The following PCDHA4 variants were observed in gnomAD, a reference collection of about 807,000 sequenced individuals.
The protein encoded by PCDHA4 is protocadherin alpha-4.
Under a neutral mutation model 61.4 loss-of-function variants are expected in PCDHA4, and 49 were observed. That is an observed-to-expected ratio of 0.80 (90% confidence interval 0.63 to 1.01). PCDHA4 has a LOEUF of 1.01. Among genes scored for constraint, PCDHA4 ranks in the 50% least tolerant of loss-of-function variants. PCDHA4 has a pLI of 0.00. For missense variants in PCDHA4, 1,254 were observed against 1,235.8 expected (o/e 1.01, Z -0.22); for synonymous variants, 590 against 550.3 (o/e 1.07, Z -1.01).
chr5:140,902,637 C>T (rs1554190530), intron 1 of PCDHA4, among the ~76,000 whole-genome samples: 1 of 151,910 alleles, frequency 6.6e-6, no homozygotes, highest in Non-Finnish European at 1.5e-5. Context: ...GTGGTGATTT[C>T]TGAGATTTTG....
chr5:140,829,517 A>G, intron 1 of PCDHA4: 1 of 1,613,440 alleles, frequency 6.2e-7, no homozygotes. Context: ...CCACATCTTC[A>G]CGGTGTCTGC....
chr5:141,003,623 G>C (rs572368614), intron 3 of PCDHA4, among the ~76,000 whole-genome samples: 1 of 152,240 alleles, frequency 6.6e-6, no homozygotes, highest in East Asian at 1.9e-4. Flanking sequence ...CCAGAGGGCA[G>C]TTTTTAAAGT....
intron 1 of PCDHA4, among the ~76,000 whole-genome samples, chr5:140,964,516 C>G (rs1410737676): frequency 6.6e-6 from 1 of 152,006 alleles, no homozygotes; most frequent in African/African-American, 2.4e-5. Flanking sequence ...ACCCAGTGGC[C>G]AGGTCTCTGA....
chr5:140,869,373 C>A (rs782224697), intron 1 of PCDHA4: 1 of 1,614,102 alleles, frequency 6.2e-7, no homozygotes, highest in Non-Finnish European at 8.5e-7. Context: ...ATTCTCGGAT[C>A]GACCGCGAGG....
chr5:140,863,231 C>G (rs189351986), intron 1 of PCDHA4: 1 of 1,227,526 alleles, frequency 8.1e-7, no homozygotes, highest in Non-Finnish European at 1.2e-6. Flanking sequence ...AAGGTCCCAT[C>G]GCGGGCTTTG....
Position 141,010,957 on chromosome 5 carries a change from C to CT in PCDHA4, c.*1021dup, listed in dbSNP as rs1342734442. The CT allele has an allele frequency of 6.5e-5, 10 of 153,858 alleles. No homozygotes were observed. Among genetic ancestry groups the CT allele is most frequent in the African/African-American group, 2.4e-4 (10 of 41,554 alleles). The allele number at this position is 153,858 out of a possible 1,614,324, so 9.5% of individuals were successfully genotyped here. A position where few individuals can be genotyped will look rare whatever the true frequency, so the allele number is the denominator to read the frequency against. On this transcript the variant is annotated 3_prime_UTR_variant, in exon 4 of 4. Coordinates refer to ENST00000530339, the MANE Select transcript of PCDHA4 (RefSeq NM_018907.4). ...ACAGCCATTTAAATGATCATTGCTG[C>CT]TACAGAAGTGCTTTAAGAGAATTGC...
rs566725560 is a variant in PCDHA4, at chr5:140,929,099, G to T, written c.2386-49850G>T. The T allele has an allele frequency of 9.3e-6, 15 of 1,614,170 alleles. No homozygotes were observed. The African/African-American group carries it at 1.9e-4, about 20-fold the overall frequency. ...GGAAGTAAGATGGTTTCAAATCCTT[G>T]CATGACATCAGCCACCATAGATGTC... On this transcript the variant is annotated intron_variant, in intron 1 of 3. Transcript: ENST00000530339.
chr5:140,820,619 A>G (rs1581765490), intron 1 of PCDHA4, among the ~76,000 whole-genome samples: 2 of 152,076 alleles, frequency 1.3e-5, no homozygotes, highest in African/African-American at 4.8e-5. Flanking sequence ...TTCAAATCAT[A>G]CCATCCAGTA....
At chr5:140,810,984 G>T (rs1764771297) in intron 1 of PCDHA4, 1 of 151,832 alleles carries the variant, frequency 6.6e-6, no homozygotes, top group South Asian at 2.1e-4. Context: ...GTGAGGTAGG[G>T]GTCAAGATTT....
intron 1 of PCDHA4, chr5:140,864,624 A>C (rs2048544669): frequency 6.6e-6 from 1 of 152,110 alleles, no homozygotes; most frequent in African/African-American, 2.4e-5. Flanking sequence ...TTTTTTAAAA[A>C]GAAAACAAAA....
intron 1 of PCDHA4, chr5:140,871,628 T>C: frequency 7.1e-7 from 1 of 1,401,496 alleles, no homozygotes; most frequent in South Asian, 1.5e-5. Flanking sequence ...GATAACAATG[T>C]CTGTTCATAA....
At chr5:140,984,132 G>A (rs1395953013) in intron 3 of PCDHA4, among the ~76,000 whole-genome samples, 1 of 152,240 alleles carries the variant, frequency 6.6e-6, no homozygotes, top group African/African-American at 2.4e-5. Context: ...GTTGCAGGAT[G>A]TGGAGGCATC....
intron 1 of PCDHA4, chr5:140,834,892 A>T (rs2150228741): frequency 6.2e-7 from 1 of 1,604,044 alleles, no homozygotes; most frequent in East Asian, 2.2e-5. Context: ...CTGCTCACTT[A>T]CAGACTGAGC....
At chr5:140,872,402 G>A (rs1272057866) in intron 1 of PCDHA4, among the ~76,000 whole-genome samples, 3 of 152,128 alleles carry the variant, frequency 2.0e-5, no homozygotes, top group African/African-American at 7.2e-5. Flanking sequence ...TGAGGCAGGA[G>A]AATTGCTTGA....
chr5:140,887,317 C>T lies in PCDHA4; in HGVS notation c.2385+77745C>T, dbSNP rs10066665. ...TTCATCTTGTTAGCCAGGATAGTCT[C>T]GAACTCCTGACCTCGTGATCCACCT... On this transcript the variant is annotated intron_variant, in intron 1 of 3. Transcript: ENST00000530339. Among the ~76,000 whole-genome samples the T allele has an allele frequency of 7.3e-3, 1,116 of 152,162 alleles. 15 individuals carry two copies. The highest frequency in any genetic ancestry group is 0.025 in the African/African-American group (1,043 of 41,520).
chr5:140,902,724 C>T (rs1463381369), intron 1 of PCDHA4, among the ~76,000 whole-genome samples: 6 of 148,640 alleles, frequency 4.0e-5, no homozygotes, highest in Admixed American at 3.3e-4. Context: ...TCCCACCCTT[C>T]CCTCCAAGTC....
At chr5:141,007,422 G>A (rs190866782) in intron 3 of PCDHA4, among the ~76,000 whole-genome samples, 22 of 143,640 alleles carry the variant, frequency 1.5e-4, no homozygotes, top group African/African-American at 4.9e-4. Context: ...AAAAAAATTA[G>A]CCAGGCATGG....
chr5:140,828,263 G>C, intron 1 of PCDHA4: 1 of 1,614,056 alleles, frequency 6.2e-7, no homozygotes, highest in Non-Finnish European at 8.5e-7. Context: ...GGAGCTGGCG[G>C]AGCTGGTGCC....
At position 140,851,857 on chromosome 5, in the gene PCDHA4, C is replaced by T. The variant is rs532607539; in HGVS notation, c.2385+42285C>T. 3 of 972,984 alleles carry T rather than the reference C, an allele frequency of 3.1e-6. No individual in the cohort carries two copies. The African/African-American group carries it at 5.3e-5, about 17-fold the overall frequency. The allele number at this position is 972,984 out of a possible 1,614,324, so 60.3% of individuals were successfully genotyped here. ...AAAATATCTTTTTCTCCTCTCAGCT[C>T]ATACATAACACAAGGCAGAAATCTG... is the stretch of plus-strand genomic sequence containing the variant. On this transcript the variant is annotated intron_variant, in intron 1 of 3. Coordinates refer to ENST00000530339, the MANE Select transcript of PCDHA4 (RefSeq NM_018907.4).
Sources: gnomAD v4.1 joint callset for allele counts (sites outside exome capture counted in the v4.1 genomes callset) on GRCh38, gnomAD v4.1.1 for gene constraint, MANE v1.5 for transcripts, NCBI Gene and HGNC (gene_info 2026-07-23, HGNC 2026-07-21) for gene names.